The following UGT2B7 variants were observed in gnomAD, a reference collection of about 807,000 sequenced individuals.
UGT2B7 encodes the protein UDP glucuronosyltransferase family 2 member B7, also known as UDP-glucuronosyltransferase 2B7.
A neutral mutation model predicts 51.9 loss-of-function variants in UGT2B7; 51 were observed. The ratio of observed to expected loss-of-function variants is 0.98; its 90% CI spans 0.78 to 1.24. UGT2B7 has a LOEUF of 1.24. UGT2B7 is among the 50% of genes most tolerant of loss of function. The pLI, the probability that UGT2B7 is intolerant of heterozygous loss-of-function variation, is 0.00. For missense variants in UGT2B7, 727 were observed against 628.4 expected, an observed-to-expected ratio of 1.16 and a Z score of -1.68; for synonymous variants, 225 against 211.6, an observed-to-expected ratio of 1.06 and a Z score of -0.55.
upstream of UGT2B7, among the ~76,000 whole-genome samples, chr4:69,094,905 A>G (rs1356227772): frequency 6.6e-6 from 1 of 152,244 alleles, no homozygotes; most frequent in Non-Finnish European, 1.5e-5. Flanking sequence ...TGTTCATAAC[A>G]TCTTCACCAG....
At chr4:69,083,037 G>T (rs2109874809) in intron 1 of UGT2B7, among the ~76,000 whole-genome samples, 1 of 152,104 alleles carries the variant, frequency 6.6e-6, no homozygotes, top group South Asian at 2.1e-4. Flanking sequence ...CTTTGCCTGT[G>T]TACTATAAAT....
intron 2 of UGT2B7, among the ~76,000 whole-genome samples, chr4:69,089,951 C>A (rs1179182695): frequency 6.6e-6 from 1 of 151,980 alleles, no homozygotes; most frequent in Non-Finnish European, 1.5e-5. Flanking sequence ...CTCCAAGGAA[C>A]ATAAAAAGGG....
At chr4:69,110,431 T>C (rs1045470057) in intron 5 of UGT2B7, among the ~76,000 whole-genome samples, 18 of 151,618 alleles carry the variant, frequency 1.2e-4, no homozygotes, top group Non-Finnish European at 2.7e-4. Flanking sequence ...CCCAGTTATA[T>C]ACCCAACAGA....
chr4:69,083,227 G>T (rs923857121), intron 1 of UGT2B7, among the ~76,000 whole-genome samples: 2 of 152,050 alleles, frequency 1.3e-5, no homozygotes, highest in African/African-American at 2.4e-5. Flanking sequence ...GATTAATGTT[G>T]TTTTCATGCC....
chr4:69,105,374 C>G (rs3924194), intron 3 of UGT2B7, among the ~76,000 whole-genome samples: 14,021 of 152,232 alleles, frequency 0.092, 943 homozygotes, highest in Non-Finnish European at 0.14. Context: ...CCTCTTCCAA[C>G]TTTTGCTGAA....
intron 5 of UGT2B7, 64 bp downstream of exon 5, chr4:69,108,386 T>A (rs1204453041): frequency 6.4e-7 from 1 of 1,560,052 alleles, no homozygotes; most frequent in African/African-American, 1.4e-5. Context: ...CAATAGTGAG[T>A]GTGAGTTTCA....
At chr4:69,077,422 G>A (rs570294800) in intron 1 of UGT2B7, among the ~76,000 whole-genome samples, 5 of 152,148 alleles carry the variant, frequency 3.3e-5, no homozygotes, top group Admixed American at 2.0e-4. Flanking sequence ...ATGAGCATGG[G>A]ATGTTTTTCC....
chr4:69,112,631 G>C lies in UGT2B7; in HGVS notation c.1485G>C (p.Gly495=), dbSNP rs774185288. 4.8e-5 allele frequency: 77 copies of C among 1,613,898 alleles called. No individual in the cohort carries two copies. In the Middle Eastern group the frequency reaches 6.6e-4, roughly 14 times the overall value. The change falls in exon 6 of 6, where the codon GGG becomes GGC. Residue 495 remains glycine (G), a synonymous_variant. Transcript: ENST00000305231. ...WFQYHSLDVI[G]FLLVCVATVI... Reference sequence around the variant, plus strand: ...AGTACCACTCTTTGGATGTGATTGGGTTCCTGCTGGTCTGTGTGGCAACTG... The same window carrying C: ...AGTACCACTCTTTGGATGTGATTGGCTTCCTGCTGGTCTGTGTGGCAACTG...
chr4:69,073,586 C>A (rs1219548743), intron 1 of UGT2B7, among the ~76,000 whole-genome samples: 7 of 152,062 alleles, frequency 4.6e-5, no homozygotes, highest in Non-Finnish European at 2.9e-5. Context: ...GTGAACTTTG[C>A]AGTTGGATTA....
At chr4:69,093,974 C>T (rs895048988), upstream of UGT2B7, among the ~76,000 whole-genome samples, 1 of 152,092 alleles carries the variant, frequency 6.6e-6, no homozygotes, top group Admixed American at 6.6e-5. Flanking sequence ...GTCATCCTGG[C>T]CACTCCTCCA....
At chr4:69,076,222 C>T (rs12249033) in intron 1 of UGT2B7, among the ~76,000 whole-genome samples, 6,750 of 152,180 alleles carry the variant, frequency 0.044, 508 homozygotes, top group African/African-American at 0.16. Context: ...CTATTGTGAA[C>T]AGTGCCACAA....
intron 1 of UGT2B7, among the ~76,000 whole-genome samples, chr4:69,063,318 CAAAAAAAAAA>C (rs556109411): frequency 8.4e-5 from 2 of 23,836 alleles, no homozygotes; most frequent in Admixed American, 4.5e-4. Flanking sequence ...GACTCCGTCT[CAAAAAAAAAA>C]AAAAAAAAAA....
chr4:69,110,327 A>G (rs909476449), intron 5 of UGT2B7, among the ~76,000 whole-genome samples: 4 of 152,070 alleles, frequency 2.6e-5, no homozygotes, highest in African/African-American at 9.7e-5. Context: ...GAAGTAAGGG[A>G]GGTTATAAAA....
At chr4:69,087,534 T>A (rs1297180134) in intron 1 of UGT2B7, among the ~76,000 whole-genome samples, 2 of 152,042 alleles carry the variant, frequency 1.3e-5, no homozygotes, top group Non-Finnish European at 2.9e-5. Context: ...TACTGCTTTT[T>A]ATGCCTTCAG....
At chr4:69,107,372 T>A in intron 4 of UGT2B7, 110 bp downstream of exon 4, 1 of 1,248,648 alleles carries the variant, frequency 8.0e-7, no homozygotes, top group Non-Finnish European at 1.1e-6. Context: ...AAACAAAATG[T>A]AACTTCTTTA....
chr4:69,105,560 G>A (rs972058971), intron 3 of UGT2B7, among the ~76,000 whole-genome samples: 1 of 152,188 alleles, frequency 6.6e-6, no homozygotes, highest in Admixed American at 6.5e-5. Flanking sequence ...TTGTCTCAGT[G>A]TTAATAATCA....
At chr4:69,057,216 A>T (rs1295143018) in intron 1 of UGT2B7, among the ~76,000 whole-genome samples, 1 of 152,138 alleles carries the variant, frequency 6.6e-6, no homozygotes, top group Non-Finnish European at 1.5e-5. Flanking sequence ...AAAGGGACAG[A>T]AATTGTGTAT....
rs113764820 is a variant in UGT2B7, at chr4:69,106,148, T to G, written c.1003-1027T>G. 5.6e-3 allele frequency among the ~76,000 whole-genome samples: 853 copies of G among 152,272 alleles called. 5 individuals carry two copies. Among genetic ancestry groups the G allele is most frequent in the African/African-American group, 0.02 (826 of 41,568 alleles). On this transcript the variant is annotated intron_variant, in intron 3 of 5. Transcript: ENST00000305231. ...TTAAGTTCAAGGGGACATGTGTAGT[T>G]TTTTTACATAGGTAAACTTGTGTCA...
At chr4:69,096,386 G>C (rs545410639), upstream of UGT2B7, 2 of 1,387,112 alleles carry the variant, frequency 1.4e-6, no homozygotes, top group African/African-American at 2.9e-5. Context: ...TCAGACTGTT[G>C]ATTTAATGAT....
Sources: gnomAD v4.1 joint callset for allele counts (sites outside exome capture counted in the v4.1 genomes callset) on GRCh38, gnomAD v4.1.1 for gene constraint, MANE v1.5 for transcripts, NCBI Gene and HGNC (gene_info 2026-07-23, HGNC 2026-07-21) for gene names.